UGT2A1: variants seen among roughly 807,000 people sequenced by gnomAD.
UGT2A1 encodes the protein UDP-glucuronosyltransferase 2A1.
Under a neutral mutation model 45.4 loss-of-function variants are expected in UGT2A1, and 61 were observed. The observed-to-expected ratio is 1.34, with a 90% confidence interval of 1.09 to 1.66. The LOEUF (loss-of-function observed/expected upper bound fraction) is 1.66, where lower values mean the gene tolerates loss of function less well. UGT2A1 is among the 40% of genes most tolerant of loss of function. The probability of loss-of-function intolerance (pLI) is 0.00; values close to 1 mark genes in which losing one functional copy is unlikely to be tolerated. For synonymous variants in UGT2A1, 229 were observed against 196.2 expected (o/e 1.17, Z -1.40); for missense variants, 649 against 574.3 (o/e 1.13, Z -1.33).
chr4:69,597,188 A>G (rs1214433382), intron 4 of UGT2A1, among the ~76,000 whole-genome samples: 1 of 152,168 alleles, frequency 6.6e-6, no homozygotes, highest in Non-Finnish European at 1.5e-5. Flanking sequence ...AGGTCTAAGA[A>G]AAAATTTGTT....
intron 4 of UGT2A1, 113 bp downstream of exon 4, chr4:69,599,133 T>C (rs1719104953): frequency 1.4e-6 from 2 of 1,407,000 alleles, no homozygotes; most frequent in Non-Finnish European, 1.9e-6. Flanking sequence ...AGATGTGGAG[T>C]AGCAAACTGA....
intron 3 of UGT2A1, among the ~76,000 whole-genome samples, chr4:69,618,368 T>C (rs1419744695): frequency 6.6e-6 from 1 of 151,718 alleles, no homozygotes; most frequent in Non-Finnish European, 1.5e-5. Flanking sequence ...TCAATCTAAT[T>C]GGGAGATTCC....
At chr4:69,621,632 C>A (rs1408237564) in intron 3 of UGT2A1, among the ~76,000 whole-genome samples, 1 of 151,762 alleles carries the variant, frequency 6.6e-6, no homozygotes, top group African/African-American at 2.4e-5. Flanking sequence ...ACCATTAAAC[C>A]CAGCAATCCC....
At chr4:69,627,536 G>A (rs1353725048) in intron 3 of UGT2A1, among the ~76,000 whole-genome samples, 2 of 129,194 alleles carry the variant, frequency 1.5e-5, no homozygotes, top group African/African-American at 5.6e-5. Context: ...AAGAAAGAAA[G>A]AGAGAGAGAG....
chr4:69,594,147 T>C (rs1025896841), intron 6 of UGT2A1, among the ~76,000 whole-genome samples: 2 of 151,932 alleles, frequency 1.3e-5, no homozygotes, highest in Non-Finnish European at 2.9e-5. Flanking sequence ...GCTAAATTTT[T>C]GTATTTTTAG....
Position 69,646,997 on chromosome 4 carries a change from G to A in UGT2A1, c.648C>T (p.Tyr216=). The A allele has an allele frequency of 6.2e-7, 1 of 1,612,124 alleles. No homozygotes were observed. The highest frequency in any genetic ancestry group is 2.2e-5 in the East Asian group (1 of 44,858). Residue 216 remains tyrosine (Y), a synonymous_variant, in exon 2 of 7, where the codon TAC becomes TAT. Transcript: ENST00000286604. ...FTDRIRNFIS[Y]HLQDYMFETL... is the part of the protein sequence containing the mutation. ...TTTCAAACATGTAGTCCTGTAGGTG[G>A]TAGGAGATGAAATTTCTTATTCTGT...
chr4:69,621,498 A>G (rs1720754503), intron 3 of UGT2A1, among the ~76,000 whole-genome samples: 1 of 151,984 alleles, frequency 6.6e-6, no homozygotes. Context: ...AGTAAAAAAA[A>G]TAACAGATGC....
chr4:69,653,130 A>C (rs72853674), intron 1 of UGT2A1, 58 bp downstream of exon 1: 13 of 152,356 alleles, frequency 8.5e-5, no homozygotes, highest in African/African-American at 1.7e-4. Context: ...AAGAGAATGG[A>C]AAATAAATTA....
At chr4:69,639,394 T>A (rs757495401) in intron 2 of UGT2A1, 11 of 1,613,544 alleles carry the variant, frequency 6.8e-6, no homozygotes, top group Non-Finnish European at 9.3e-6. Context: ...GAAACAGGTA[T>A]CACTTCAAAA....
At chr4:69,593,969 T>A (rs1718745046) in intron 6 of UGT2A1, among the ~76,000 whole-genome samples, 1 of 101,624 alleles carries the variant, frequency 9.8e-6, no homozygotes, top group Non-Finnish European at 2.2e-5. Flanking sequence ...TTTGAAGTCT[T>A]TTTTTTTGTT....
chr4:69,634,886 C>T (rs563014002), intron 3 of UGT2A1, among the ~76,000 whole-genome samples: 7 of 152,128 alleles, frequency 4.6e-5, no homozygotes, highest in African/African-American at 1.7e-4. Flanking sequence ...TCATTTTTAT[C>T]TTATATTGTG....
At chr4:69,609,424 T>A (rs762571590) in intron 3 of UGT2A1, among the ~76,000 whole-genome samples, 6 of 152,132 alleles carry the variant, frequency 3.9e-5, no homozygotes, top group Admixed American at 6.6e-5. Context: ...GGCCTCAAAC[T>A]CCTGGGCTCA....
At chr4:69,630,580 G>A (rs543473111) in intron 3 of UGT2A1, among the ~76,000 whole-genome samples, 1 of 152,150 alleles carries the variant, frequency 6.6e-6, no homozygotes, top group South Asian at 2.1e-4. Context: ...GTAGAAAAGG[G>A]TCATAAACAG....
intron 6 of UGT2A1, among the ~76,000 whole-genome samples, chr4:69,592,559 A>G (rs1446950760): frequency 2.0e-5 from 3 of 152,186 alleles, no homozygotes; most frequent in Non-Finnish European, 4.4e-5. Flanking sequence ...GTTAAAAATG[A>G]CAGTTGAAAG....
intron 3 of UGT2A1, among the ~76,000 whole-genome samples, chr4:69,604,278 A>G (rs1188692170): frequency 7.3e-6 from 1 of 137,080 alleles, no homozygotes; most frequent in Non-Finnish European, 1.6e-5. Context: ...TTCTTAAAGA[A>G]AAGAATTTTC....
intron 3 of UGT2A1, among the ~76,000 whole-genome samples, chr4:69,623,433 C>T (rs1224613359): frequency 6.6e-6 from 1 of 151,600 alleles, no homozygotes; most frequent in African/African-American, 2.4e-5. Context: ...AGGGAAAAGA[C>T]AAAAGCCAAT....
intron 3 of UGT2A1, among the ~76,000 whole-genome samples, chr4:69,617,098 TAA>T (rs1178129802): frequency 5.3e-5 from 8 of 152,064 alleles, no homozygotes; most frequent in African/African-American, 1.9e-4. Flanking sequence ...ATCTGTAAAA[TAA>T]AGTTAGAATT....
intron 3 of UGT2A1, among the ~76,000 whole-genome samples, chr4:69,623,304 T>C (rs573471870): frequency 1.3e-5 from 2 of 151,784 alleles, no homozygotes; most frequent in African/African-American, 2.4e-5. Flanking sequence ...ATTACTACAA[T>C]GTAACACTCT....
intron 4 of UGT2A1, chr4:69,596,297 C>A (rs1718926972): frequency 6.2e-7 from 1 of 1,607,400 alleles, no homozygotes. Context: ...TTGGCCTTTT[C>A]TTCTGTAAGG....
Sources: allele counts gnomAD v4.1 joint callset (sites outside exome capture counted in the v4.1 genomes callset), GRCh38; gene constraint gnomAD v4.1.1; transcripts MANE v1.5; gene names NCBI Gene and HGNC (gene_info 2026-07-23, HGNC 2026-07-21).